The following RETREG1 variants were observed in gnomAD, a reference collection of about 807,000 sequenced individuals.
RETREG1 encodes reticulophagy regulator 1, also known as family with sequence similarity 134 member B.
Under a neutral mutation model 54.8 loss-of-function variants are expected in RETREG1, and 44 were observed. The observed-to-expected ratio is 0.80, with a 90% CI of 0.63 to 1.03. RETREG1 has a LOEUF of 1.03. Among genes scored for constraint, RETREG1 ranks in the 50% least tolerant of loss-of-function variants. The pLI, the probability that RETREG1 is intolerant of heterozygous loss-of-function variation, is 0.00. For missense variants in RETREG1, 554 were observed against 605.1 expected, an observed-to-expected ratio of 0.92 and a Z score of 0.89; for synonymous variants, 217 against 238.5, an observed-to-expected ratio of 0.91 and a Z score of 0.83.
At chr5:16,521,734 G>A (rs1236670584) in intron 3 of RETREG1, among the ~76,000 whole-genome samples, 1 of 152,180 alleles carries the variant, frequency 6.6e-6, no homozygotes. Flanking sequence ...GTTTAACTAT[G>A]GGTTCTGTTA....
At chr5:16,490,352 T>C (rs949857871) in intron 3 of RETREG1, among the ~76,000 whole-genome samples, 66 of 152,332 alleles carry the variant, frequency 4.3e-4, no homozygotes, top group African/African-American at 1.5e-3. Context: ...TAAACGTAAC[T>C]ATTAAAAAAG....
chr5:16,579,344 T>C (rs1742422266), intron 1 of RETREG1, among the ~76,000 whole-genome samples: 1 of 152,144 alleles, frequency 6.6e-6, no homozygotes, highest in African/African-American at 2.4e-5. Flanking sequence ...AGGACATGAA[T>C]CCAGGCAGCC....
At chr5:16,480,622 A>G (rs1738727175) in intron 5 of RETREG1, among the ~76,000 whole-genome samples, 1 of 152,054 alleles carries the variant, frequency 6.6e-6, no homozygotes, top group Non-Finnish European at 1.5e-5. Flanking sequence ...TGTGGTCAGT[A>G]TTTTTAATTT....
intron 3 of RETREG1, among the ~76,000 whole-genome samples, chr5:16,510,818 C>CAAAAAAAAAAAAAAAAAAAAAAAAAAAAA (rs57713373): frequency 1.3e-5 from 1 of 75,712 alleles, no homozygotes; most frequent in Non-Finnish European, 2.4e-5. Context: ...ACAACAACAA[C>CAAAAAAAAAAAAAAAAAAAAAAAAAAAAA]AAAAAAAAAA....
intron 1 of RETREG1, among the ~76,000 whole-genome samples, chr5:16,606,272 C>T (rs922343814): frequency 1.3e-5 from 2 of 152,120 alleles, no homozygotes; most frequent in Admixed American, 1.3e-4. Flanking sequence ...CAGAACAACC[C>T]TCTCCTGGAA....
At chr5:16,523,783 T>C (rs969735548) in intron 3 of RETREG1, among the ~76,000 whole-genome samples, 2 of 152,050 alleles carry the variant, frequency 1.3e-5, no homozygotes, top group Non-Finnish European at 2.9e-5. Context: ...CTCCCCCCAA[T>C]TTATTAATAC....
At chr5:16,565,849 T>C in intron 2 of RETREG1, 56 bp from the exon 3 acceptor site, 1 of 1,577,294 alleles carries the variant, frequency 6.3e-7, no homozygotes, top group South Asian at 1.1e-5. Flanking sequence ...TCTCCTGAAA[T>C]ATTTCTCAAC....
At chr5:16,607,422 C>A (rs980728489) in intron 1 of RETREG1, among the ~76,000 whole-genome samples, 65 of 151,910 alleles carry the variant, frequency 4.3e-4, no homozygotes, top group African/African-American at 1.4e-3. Flanking sequence ...AAGATTATCC[C>A]GGCCAACATG....
chr5:16,572,698 G>A (rs1411665183), intron 1 of RETREG1, among the ~76,000 whole-genome samples: 1 of 152,172 alleles, frequency 6.6e-6, no homozygotes, highest in African/African-American at 2.4e-5. Flanking sequence ...CTAGTGCTGG[G>A]CTTCTCCAAT....
At chr5:16,616,227 CG>C (rs1400973317) in intron 1 of RETREG1, 1 of 174,592 alleles carries the variant, frequency 5.7e-6, no homozygotes, top group East Asian at 1.7e-4. Flanking sequence ...CCGTTTTGAA[CG>C]GGTACCTAAT....
intron 3 of RETREG1, among the ~76,000 whole-genome samples, chr5:16,562,662 C>G (rs1030579024): frequency 1.3e-5 from 2 of 152,148 alleles, no homozygotes; most frequent in African/African-American, 2.4e-5. Flanking sequence ...AAATTTTTCT[C>G]CCAAAAACAC....
chr5:16,566,294 G>A (rs1462866689), intron 2 of RETREG1, among the ~76,000 whole-genome samples: 1 of 152,188 alleles, frequency 6.6e-6, no homozygotes, highest in Non-Finnish European at 1.5e-5. Context: ...TTGAAAAAAG[G>A]AGATTTTTAT....
intron 3 of RETREG1, among the ~76,000 whole-genome samples, chr5:16,537,847 C>T (rs1388068468): frequency 6.6e-6 from 1 of 152,154 alleles, no homozygotes; most frequent in Non-Finnish European, 1.5e-5. Context: ...ACAGTGGCAT[C>T]CCTGCCTGGG....
At chr5:16,501,572 G>A (rs972410003) in intron 3 of RETREG1, among the ~76,000 whole-genome samples, 7 of 151,732 alleles carry the variant, frequency 4.6e-5, no homozygotes, top group Non-Finnish European at 7.4e-5. Context: ...ACACAAAGTT[G>A]CTCTCTGTTG....
chr5:16,478,455 C>T (rs535579516), intron 6 of RETREG1, among the ~76,000 whole-genome samples: 4 of 152,100 alleles, frequency 2.6e-5, no homozygotes, highest in East Asian at 3.9e-4. Flanking sequence ...CACGTGACTC[C>T]GATACATTCT....
chr5:16,539,101 A>G (rs1340926163), intron 3 of RETREG1, among the ~76,000 whole-genome samples: 1 of 152,218 alleles, frequency 6.6e-6, no homozygotes, highest in Non-Finnish European at 1.5e-5. Context: ...AGACATCAGT[A>G]TAAGGCACCT....
intron 3 of RETREG1, among the ~76,000 whole-genome samples, chr5:16,563,404 T>A (rs31285): frequency 0.34 from 51,272 of 151,974 alleles, 10,101 homozygotes; most frequent in Non-Finnish European, 0.44. Context: ...TTTACATGCA[T>A]GCGCCACCAT....
intron 1 of RETREG1, among the ~76,000 whole-genome samples, chr5:16,584,532 G>A (rs1244503317): frequency 2.6e-5 from 4 of 152,108 alleles, no homozygotes. Flanking sequence ...GTCTCGTAAG[G>A]CATAATGATT....
At chr5:16,499,071 A>ATTT (rs70938055) in intron 3 of RETREG1, among the ~76,000 whole-genome samples, 372 of 145,984 alleles carry the variant, frequency 2.5e-3, no homozygotes, top group African/African-American at 9.1e-3. Flanking sequence ...TTAATTTTTG[A>ATTT]TTTTTTTTTT....
Sources: gnomAD v4.1 joint callset for allele counts (sites outside exome capture counted in the v4.1 genomes callset) on GRCh38, gnomAD v4.1.1 for gene constraint, MANE v1.5 for transcripts, NCBI Gene and HGNC (gene_info 2026-07-23, HGNC 2026-07-21) for gene names.